The following SGCZ variants were observed in gnomAD, a reference collection of about 807,000 sequenced individuals.
SGCZ encodes the protein zeta-sarcoglycan.
In SGCZ, 40 loss-of-function variants were observed where a neutral mutation model predicts 41.3. The observed-to-expected ratio is 0.97, with a 90% CI of 0.75 to 1.26. The LOEUF is 1.26. SGCZ is among the 50% of genes most tolerant of loss of function. The probability of loss-of-function intolerance (pLI) is 0.00; values close to 1 mark genes in which losing one functional copy is unlikely to be tolerated. For missense variants in SGCZ, 552 were observed against 369.8 expected (o/e 1.49, Z -4.04); for synonymous variants, 206 against 137.5 (o/e 1.50, Z -3.49).
intron 2 of SGCZ, among the ~76,000 whole-genome samples, chr8:14,455,411 AAAT>A (rs1245637549): frequency 1.3e-5 from 2 of 151,824 alleles, no homozygotes; most frequent in African/African-American, 4.8e-5. Flanking sequence ...TTGCTGGTAG[AAAT>A]GATCATCAGC....
intron 2 of SGCZ, among the ~76,000 whole-genome samples, chr8:14,554,068 T>C (rs1033705958): frequency 6.6e-6 from 1 of 152,076 alleles, no homozygotes; most frequent in Non-Finnish European, 1.5e-5. Flanking sequence ...AGATTTATTA[T>C]AAACATTCAG....
intron 4 of SGCZ, among the ~76,000 whole-genome samples, chr8:14,192,769 T>C (rs540313039): frequency 6.6e-6 from 1 of 152,200 alleles, no homozygotes; most frequent in African/African-American, 2.4e-5. Context: ...AATGGAAAGT[T>C]TTCATGGCCA....
rs570162343 is a variant in SGCZ at position 14,760,815 on chromosome 8, T to G, written c.40-205889A>C. 7.5e-4 allele frequency among the ~76,000 whole-genome samples: 114 copies of G among 152,330 alleles called. 1 individual carries two copies. The highest frequency in any genetic ancestry group is 1.8e-3 in the Admixed American group (28 of 15,302). On this transcript the variant is annotated intron_variant, in intron 1 of 7. Transcript: ENST00000382080. ...GCCCTACTTATACTAAAAAGTTTAT[T>G]TGTTGTTCATTTGAAATTCTAAATT... is the stretch of plus-strand genomic sequence containing the variant.
intron 1 of SGCZ, among the ~76,000 whole-genome samples, chr8:14,778,298 C>T (rs1319159341): frequency 6.6e-6 from 1 of 152,100 alleles, no homozygotes; most frequent in Non-Finnish European, 1.5e-5. Flanking sequence ...ACTGTCACCC[C>T]AAATCTATAT....
chr8:14,455,995 G>A (rs1317643952), intron 2 of SGCZ, among the ~76,000 whole-genome samples: 3 of 152,144 alleles, frequency 2.0e-5, no homozygotes, highest in Admixed American at 6.5e-5. Flanking sequence ...GAGGGGATGC[G>A]GAGTGACTGT....
chr8:15,102,782 T>C, intron 1 of SGCZ, among the ~76,000 whole-genome samples: 1 of 152,204 alleles, frequency 6.6e-6, no homozygotes, highest in East Asian at 1.9e-4. Context: ...AAAGTGAACA[T>C]TATTTATATA....
intron 1 of SGCZ, among the ~76,000 whole-genome samples, chr8:14,725,477 G>A (rs935711953): frequency 1.3e-5 from 2 of 151,932 alleles, no homozygotes; most frequent in Non-Finnish European, 1.5e-5. Flanking sequence ...CTGCATCCTC[G>A]GTAGCATCTG....
chr8:14,447,384 T>A (rs67921330), intron 2 of SGCZ, among the ~76,000 whole-genome samples: 31,990 of 152,076 alleles, frequency 0.21, 4,083 homozygotes, highest in Non-Finnish European at 0.29. Flanking sequence ...GGGTAAAAAA[T>A]TCAACTTAAT....
At chr8:14,769,436 T>A (rs1434851739) in intron 1 of SGCZ, among the ~76,000 whole-genome samples, 7 of 152,108 alleles carry the variant, frequency 4.6e-5, no homozygotes, top group African/African-American at 1.7e-4. Flanking sequence ...GATGTTAAAT[T>A]TGAAAGCAAA....
At chr8:14,943,059 T>C (rs534193109) in intron 1 of SGCZ, among the ~76,000 whole-genome samples, 1 of 152,272 alleles carries the variant, frequency 6.6e-6, no homozygotes, top group South Asian at 2.1e-4. Context: ...CAAAGAAGAA[T>C]TGTCATAATG....
chr8:14,423,580 C>A (rs1799694551), intron 2 of SGCZ, among the ~76,000 whole-genome samples: 2 of 152,058 alleles, frequency 1.3e-5, no homozygotes, highest in African/African-American at 4.8e-5. Context: ...CCATACCTGG[C>A]TAATTTTGTA....
At chr8:14,549,919 G>C (rs537217325) in intron 2 of SGCZ, among the ~76,000 whole-genome samples, 2 of 151,926 alleles carry the variant, frequency 1.3e-5, no homozygotes. Context: ...GAGTTAAGTT[G>C]GTAAGGTCAA....
chr8:14,114,349 G>C (rs1802460238), intron 5 of SGCZ, among the ~76,000 whole-genome samples: 1 of 151,882 alleles, frequency 6.6e-6, no homozygotes, highest in African/African-American at 2.4e-5. Flanking sequence ...TGAATGTATT[G>C]AAACTGTTAT....
At chr8:14,740,973 G>C (rs1799183621) in intron 1 of SGCZ, among the ~76,000 whole-genome samples, 1 of 151,994 alleles carries the variant, frequency 6.6e-6, no homozygotes, top group African/African-American at 2.4e-5. Flanking sequence ...CCATCCATCA[G>C]CATAATCTGC....
At chr8:14,352,837 T>G (rs1217269647) in intron 2 of SGCZ, among the ~76,000 whole-genome samples, 3 of 152,182 alleles carry the variant, frequency 2.0e-5, no homozygotes, top group African/African-American at 7.2e-5. Context: ...AGTCATATTT[T>G]TAGGTGTCTT....
intron 1 of SGCZ, among the ~76,000 whole-genome samples, chr8:15,227,350 T>C (rs552952378): frequency 6.6e-6 from 1 of 152,206 alleles, no homozygotes; most frequent in Non-Finnish European, 1.5e-5. Flanking sequence ...ATTCATATAA[T>C]GCATATACAT....
chr8:14,597,104 A>C (rs1585111725), intron 1 of SGCZ, among the ~76,000 whole-genome samples: 1 of 152,332 alleles, frequency 6.6e-6, no homozygotes, highest in Middle Eastern at 3.4e-3. Context: ...TGCCATTCTT[A>C]GACATTCTTA....
At chr8:14,572,140 T>C (rs191186048) in intron 1 of SGCZ, among the ~76,000 whole-genome samples, 1 of 152,316 alleles carries the variant, frequency 6.6e-6, no homozygotes, top group African/African-American at 2.4e-5. Flanking sequence ...CATTAATACA[T>C]GTTCTGCTAA....
At chr8:14,367,593 G>T (rs758905928) in intron 2 of SGCZ, among the ~76,000 whole-genome samples, 10 of 152,092 alleles carry the variant, frequency 6.6e-5, no homozygotes, top group Non-Finnish European at 1.3e-4. Context: ...CATGGCAGAA[G>T]GCGAAAGAGG....
Sources: allele counts gnomAD v4.1 joint callset (sites outside exome capture counted in the v4.1 genomes callset), GRCh38; gene constraint gnomAD v4.1.1; transcripts MANE v1.5; gene names NCBI Gene and HGNC (gene_info 2026-07-23, HGNC 2026-07-21).